Variants in SLC24A2 observed in about 807,000 individuals in gnomAD.
The protein encoded by SLC24A2 is sodium/potassium/calcium exchanger 2.
A neutral mutation model predicts 62.0 loss-of-function variants in SLC24A2; 36 were observed. That is an observed-to-expected ratio of 0.58 (90% CI 0.44 to 0.77). The LOEUF is 0.77. SLC24A2 is among the 30% of genes least tolerant of loss of function. The probability of loss-of-function intolerance (pLI) is 0.00; values close to 1 mark genes in which losing one functional copy is unlikely to be tolerated. For synonymous variants in SLC24A2, 358 were observed against 294.0 expected (o/e 1.22, Z -2.23); for missense variants, 846 against 817.9 (o/e 1.03, Z -0.42).
chr9:20,119,691 G>A, the SLC24A2 span, among the ~76,000 whole-genome samples: 1 of 152,140 alleles, frequency 6.6e-6, no homozygotes, highest in African/African-American at 2.4e-5. Context: ...CCAAAGATGG[G>A]AAACAAGACA....
the SLC24A2 span, among the ~76,000 whole-genome samples, chr9:19,984,761 T>A: frequency 3.3e-5 from 5 of 152,090 alleles, no homozygotes; most frequent in Non-Finnish European, 7.4e-5. Context: ...TTGTTAAGGG[T>A]GCCAACATCG....
chr9:20,009,655 C>A, the SLC24A2 span, among the ~76,000 whole-genome samples: 1 of 152,144 alleles, frequency 6.6e-6, no homozygotes, highest in African/African-American at 2.4e-5. Context: ...GAGAAAGGAA[C>A]ATCTGTCCCT....
rs1054635442 is a variant in SLC24A2, at chr9:19,515,647, G to C, written c.*506C>G. ...TCAAATAAGTACTATAAATATACTAGAGCTATCCCTGAAAAGATGCATTTG... is the reference window on the plus strand; with the variant it reads ...TCAAATAAGTACTATAAATATACTACAGCTATCCCTGAAAAGATGCATTTG... On this transcript the variant is annotated 3_prime_UTR_variant, in exon 11 of 11. Transcript: ENST00000341998. The C allele has an allele frequency of 5.3e-5, 8 of 152,134 alleles. No homozygotes were observed. Among genetic ancestry groups the C allele is most frequent in the African/African-American group, 1.9e-4 (8 of 41,354 alleles). The allele number at this position is 152,134 out of a possible 1,614,324, so 9.4% of individuals were successfully genotyped here.
the SLC24A2 span, among the ~76,000 whole-genome samples, chr9:19,935,437 A>G: frequency 6.6e-6 from 1 of 152,214 alleles, no homozygotes; most frequent in Non-Finnish European, 1.5e-5. Context: ...TAAGAGCAGC[A>G]GGGTTGAAAG....
the SLC24A2 span, among the ~76,000 whole-genome samples, chr9:20,278,798 ATT>A: frequency 6.6e-6 from 1 of 152,122 alleles, no homozygotes; most frequent in Non-Finnish European, 1.5e-5. Context: ...TCACTTTCAC[ATT>A]TTCACATATC....
chr9:20,262,287 C>G, the SLC24A2 span, among the ~76,000 whole-genome samples: 1 of 152,138 alleles, frequency 6.6e-6, no homozygotes, highest in South Asian at 2.1e-4. Flanking sequence ...TTGGCATGTC[C>G]TACCTATGTG....
chr9:19,936,444 T>C, the SLC24A2 span, among the ~76,000 whole-genome samples: 3 of 152,102 alleles, frequency 2.0e-5, no homozygotes, highest in Non-Finnish European at 4.4e-5. Context: ...TGGCTAATTT[T>C]TGTATTTTTT....
At chr9:20,137,335 G>C in the SLC24A2 span, among the ~76,000 whole-genome samples, 4 of 152,172 alleles carry the variant, frequency 2.6e-5, no homozygotes, top group African/African-American at 9.7e-5. Context: ...AATGCCAGTG[G>C]AGGAGTCTAG....
the SLC24A2 span, among the ~76,000 whole-genome samples, chr9:19,905,605 G>A: frequency 6.6e-6 from 1 of 151,870 alleles, no homozygotes; most frequent in South Asian, 2.1e-4. Flanking sequence ...TAGAGACGGG[G>A]TTTCTCCATG....
chr9:20,155,051 G>A, the SLC24A2 span, among the ~76,000 whole-genome samples: 1 of 150,154 alleles, frequency 6.7e-6, no homozygotes, highest in East Asian at 2.0e-4. Flanking sequence ...GGGTCAAACG[G>A]CCATCCCCAT....
intron 2 of SLC24A2, among the ~76,000 whole-genome samples, chr9:19,670,877 T>C (rs897189979): frequency 6.6e-6 from 1 of 152,212 alleles, no homozygotes; most frequent in African/African-American, 2.4e-5. Context: ...ACATTTCTGA[T>C]ATCCCTGATA....
the SLC24A2 span, among the ~76,000 whole-genome samples, chr9:20,248,662 T>C: frequency 6.6e-6 from 1 of 152,344 alleles, no homozygotes; most frequent in East Asian, 1.9e-4. Context: ...GACTTTACCA[T>C]ATGAATTTGG....
chr9:20,046,015 G>C, the SLC24A2 span, among the ~76,000 whole-genome samples: 1,973 of 152,272 alleles, frequency 0.013, 52 homozygotes, highest in African/African-American at 0.045. Flanking sequence ...TCACCCCCAG[G>C]CTGGCCAGGC....
chr9:19,717,994 T>TA (rs369752184), intron 2 of SLC24A2, among the ~76,000 whole-genome samples: 13 of 149,736 alleles, frequency 8.7e-5, no homozygotes, highest in African/African-American at 2.7e-4. Flanking sequence ...TTTTTTTTTT[T>TA]AAAACGGAGT....
intron 2 of SLC24A2, among the ~76,000 whole-genome samples, chr9:19,685,352 T>C (rs1179291471): frequency 1.3e-5 from 2 of 152,156 alleles, no homozygotes; most frequent in African/African-American, 4.8e-5. Context: ...AATTTACAGA[T>C]TTAATGCTAT....
At chr9:19,948,118 G>A in the SLC24A2 span, among the ~76,000 whole-genome samples, 1 of 152,116 alleles carries the variant, frequency 6.6e-6, no homozygotes, top group Non-Finnish European at 1.5e-5. Context: ...GTGGAATGCG[G>A]GACTCTTAAG....
At chr9:19,597,107 T>C (rs1034814742) in intron 5 of SLC24A2, 122 bp downstream of exon 5, 14 of 724,482 alleles carry the variant, frequency 1.9e-5, no homozygotes, top group Middle Eastern at 2.4e-4. Flanking sequence ...GCAGAAAGAA[T>C]AGTAAGTCAC....
intron 2 of SLC24A2, among the ~76,000 whole-genome samples, chr9:19,720,548 G>A (rs1055713640): frequency 2.0e-5 from 3 of 152,162 alleles, no homozygotes; most frequent in East Asian, 1.9e-4. Flanking sequence ...GTCCCTGAGC[G>A]TTGTTAAACT....
At chr9:20,101,544 T>C in the SLC24A2 span, among the ~76,000 whole-genome samples, 1 of 152,180 alleles carries the variant, frequency 6.6e-6, no homozygotes, top group Non-Finnish European at 1.5e-5. Flanking sequence ...AGAACTTTTG[T>C]GGCTTCCTAA....
Sources: allele counts gnomAD v4.1 joint callset (sites outside exome capture counted in the v4.1 genomes callset), GRCh38; gene constraint gnomAD v4.1.1; transcripts MANE v1.5; gene names NCBI Gene and HGNC (gene_info 2026-07-23, HGNC 2026-07-21).